WWOX: variants seen among roughly 807,000 people sequenced by gnomAD.
WWOX encodes WW domain-containing oxidoreductase.
In WWOX, 69 loss-of-function variants were observed where a neutral mutation model predicts 46.2. The ratio of observed to expected loss-of-function variants is 1.49; its 90% confidence interval spans 1.23 to 1.82. The LOEUF (loss-of-function observed/expected upper bound fraction) is 1.82, where lower values mean the gene tolerates loss of function less well. Among genes scored for constraint, WWOX ranks in the 40% most tolerant of loss-of-function variants. The pLI, the probability that WWOX is intolerant of heterozygous loss-of-function variation, is 0.00. For missense variants in WWOX, 919 were observed against 542.6 expected, an observed-to-expected ratio of 1.69 and a Z score of -6.89; for synonymous variants, 359 against 202.6, an observed-to-expected ratio of 1.77 and a Z score of -6.56.
chr16:79,142,093 A>G (rs1245826169), intron 8 of WWOX, among the ~76,000 whole-genome samples: 2 of 152,120 alleles, frequency 1.3e-5, no homozygotes. Context: ...TCCTGCCCTT[A>G]CTTCTTCCTG....
chr16:78,437,277 AG>A (rs1209711667), intron 8 of WWOX, among the ~76,000 whole-genome samples: 1 of 152,218 alleles, frequency 6.6e-6, no homozygotes, highest in Non-Finnish European at 1.5e-5. Flanking sequence ...TACAGTAATT[AG>A]GTCACTCTTC....
intron 8 of WWOX, among the ~76,000 whole-genome samples, chr16:78,585,493 T>G (rs1241043464): frequency 1.3e-5 from 2 of 152,146 alleles, no homozygotes; most frequent in Non-Finnish European, 2.9e-5. Flanking sequence ...CCAAAGTACT[T>G]GGGGTTAATT....
chr16:78,376,807 G>T (rs1419128834), intron 5 of WWOX, among the ~76,000 whole-genome samples: 1 of 152,156 alleles, frequency 6.6e-6, no homozygotes, highest in African/African-American at 2.4e-5. Context: ...GCTCACACTG[G>T]GCTATCAGGG....
At chr16:78,700,015 G>T (rs1482879063) in intron 8 of WWOX, among the ~76,000 whole-genome samples, 1 of 152,022 alleles carries the variant, frequency 6.6e-6, no homozygotes, top group African/African-American at 2.4e-5. Context: ...GGGTCCTGCG[G>T]TGGGTGGATA....
intron 8 of WWOX, among the ~76,000 whole-genome samples, chr16:78,473,019 G>A (rs866620055): frequency 3.9e-5 from 6 of 152,046 alleles, no homozygotes; most frequent in African/African-American, 1.4e-4. Context: ...TTAAATTGCT[G>A]AAAAAATATG....
At chr16:79,113,613 C>A (rs538057797) in intron 8 of WWOX, among the ~76,000 whole-genome samples, 1 of 152,376 alleles carries the variant, frequency 6.6e-6, no homozygotes, top group East Asian at 1.9e-4. Context: ...AGGTCCCCAG[C>A]ATAGCAGTTG....
chr16:78,181,816 A>T (rs76874638), intron 5 of WWOX, among the ~76,000 whole-genome samples: 1 of 152,152 alleles, frequency 6.6e-6, no homozygotes, highest in Admixed American at 6.5e-5. Flanking sequence ...TGTATAATTA[A>T]ATATAGATTT....
intron 8 of WWOX, among the ~76,000 whole-genome samples, chr16:78,901,587 A>G (rs1434022542): frequency 6.6e-6 from 1 of 152,106 alleles, no homozygotes; most frequent in Admixed American, 6.5e-5. Context: ...TCCCAGACTC[A>G]AGTCATCCTC....
chr16:78,616,526 C>T (rs972338885), intron 8 of WWOX, among the ~76,000 whole-genome samples: 1 of 150,992 alleles, frequency 6.6e-6, no homozygotes. Context: ...CTTTGGGAGG[C>T]CGAGGCAGGT....
chr16:79,013,690 TG>T (rs1275224416), intron 8 of WWOX, among the ~76,000 whole-genome samples: 1 of 152,178 alleles, frequency 6.6e-6, no homozygotes, highest in Non-Finnish European at 1.5e-5. Context: ...CTACCCAAGT[TG>T]ACTTGGAGAA....
intron 8 of WWOX, among the ~76,000 whole-genome samples, chr16:78,664,308 C>T (rs1214281875): frequency 2.0e-5 from 3 of 152,192 alleles, no homozygotes; most frequent in African/African-American, 7.2e-5. Context: ...CCCTGACTCC[C>T]AGTGTGGGCT....
chr16:78,158,883 C>A (rs574227599), intron 4 of WWOX, among the ~76,000 whole-genome samples: 1 of 152,058 alleles, frequency 6.6e-6, no homozygotes, highest in South Asian at 2.1e-4. Flanking sequence ...TAGGGCTTTT[C>A]CATCTGGCGT....
At chr16:78,115,392 A>G (rs959321652) in intron 4 of WWOX, among the ~76,000 whole-genome samples, 17 of 152,186 alleles carry the variant, frequency 1.1e-4, no homozygotes, top group African/African-American at 3.4e-4. Context: ...GACTGTGGCT[A>G]TTTTGGTATT....
intron 5 of WWOX, among the ~76,000 whole-genome samples, chr16:78,318,123 A>C (rs2080391904): frequency 6.6e-6 from 1 of 152,084 alleles, no homozygotes; most frequent in Non-Finnish European, 1.5e-5. Context: ...TTTCCCTTTG[A>C]TTTAAAGGCA....
At chr16:79,023,742 A>G (rs1019352563) in intron 8 of WWOX, among the ~76,000 whole-genome samples, 3 of 151,174 alleles carry the variant, frequency 2.0e-5, no homozygotes, top group Non-Finnish European at 4.4e-5. Flanking sequence ...GCTGGTGGTG[A>G]TACCCCATCT....
At chr16:78,214,225 C>T (rs1402673116) in intron 5 of WWOX, among the ~76,000 whole-genome samples, 1 of 152,196 alleles carries the variant, frequency 6.6e-6, no homozygotes, top group East Asian at 1.9e-4. Context: ...CGCAGCTCCT[C>T]TTGAGTGCTT....
chr16:79,148,433 C>G (rs549114939), intron 8 of WWOX, among the ~76,000 whole-genome samples: 2 of 152,272 alleles, frequency 1.3e-5, no homozygotes, highest in South Asian at 2.1e-4. Context: ...GTGTCTGTCT[C>G]TCTGACAATT....
chr16:78,550,906 C>G (rs909273268), intron 8 of WWOX: 1 of 152,026 alleles, frequency 6.6e-6, no homozygotes, highest in Admixed American at 6.5e-5. Context: ...TATCACTTGG[C>G]TGGGGACTCA....
At chr16:78,611,165 A>G (rs564996278) in intron 8 of WWOX, among the ~76,000 whole-genome samples, 5 of 152,296 alleles carry the variant, frequency 3.3e-5, no homozygotes, top group African/African-American at 1.2e-4. Flanking sequence ...CGACTGAAAT[A>G]GGTAGTTGAA....
Sources: gnomAD v4.1 joint callset for allele counts (sites outside exome capture counted in the v4.1 genomes callset) on GRCh38, gnomAD v4.1.1 for gene constraint, MANE v1.5 for transcripts, NCBI Gene and HGNC (gene_info 2026-07-23, HGNC 2026-07-21) for gene names.